Variants in GRM1 observed in about 807,000 individuals in gnomAD.
GRM1 encodes glutamate metabotropic receptor 1.
GRM1 carries 33 observed loss-of-function variants against 90.9 expected under a neutral mutation model. The observed-to-expected ratio is 0.36, with a 90% CI of 0.28 to 0.49. The LOEUF (loss-of-function observed/expected upper bound fraction) is 0.49, where lower values mean the gene tolerates loss of function less well. Ranked by LOEUF, GRM1 falls within the 20% of genes least tolerant of loss-of-function variation. The probability of loss-of-function intolerance (pLI) is 0.99; values close to 1 mark genes in which losing one functional copy is unlikely to be tolerated. For missense variants in GRM1, 1,190 were observed against 1,534.3 expected, an observed-to-expected ratio of 0.78 and a Z score of 3.75; for synonymous variants, 700 against 613.2, an observed-to-expected ratio of 1.14 and a Z score of -2.09.
intron 5 of GRM1, among the ~76,000 whole-genome samples, chr6:146,361,640 G>A (rs1489771780): frequency 6.6e-6 from 1 of 152,122 alleles, no homozygotes; most frequent in Non-Finnish European, 1.5e-5. Context: ...CTCCTTAAAA[G>A]GACCCTTTTA....
chr6:146,432,979 A>T (rs1778467689), intron 7 of GRM1, among the ~76,000 whole-genome samples: 1 of 152,206 alleles, frequency 6.6e-6, no homozygotes. Flanking sequence ...AGGCTCAATG[A>T]GTAGAGGTTT....
intron 1 of GRM1, among the ~76,000 whole-genome samples, chr6:146,031,391 T>A (rs1562415483): frequency 6.6e-6 from 1 of 152,194 alleles, no homozygotes; most frequent in African/African-American, 2.4e-5. Flanking sequence ...CATGTTTTTT[T>A]AATATTTCCA....
chr6:146,340,541 T>A (rs575735157), intron 3 of GRM1: 2 of 149,100 alleles, frequency 1.3e-5, no homozygotes, highest in Non-Finnish European at 3.0e-5. Context: ...CCATATTTCT[T>A]TTTTTTGTTT....
Position 146,434,974 on chromosome 6 carries a change from C to T in GRM1, c.*178C>T. ...CCTTAAGTAGGAAGAGAGGGAAGGA[C>T]ACCAAGCAAAAAATGTTCCAGGCCA... On this transcript the variant is annotated 3_prime_UTR_variant, in exon 8 of 8. Coordinates refer to ENST00000282753, the MANE Select transcript of GRM1 (RefSeq NM_001278064.2). 3.2e-6 allele frequency: 2 copies of T among 634,048 alleles called. No homozygotes were observed. The highest frequency in any genetic ancestry group is 5.6e-6 in the Non-Finnish European group (2 of 360,214). The allele number at this position is 634,048 out of a possible 1,614,324, so 39.3% of individuals were successfully genotyped here.
chr6:146,312,508 G>T (rs1401648334), intron 3 of GRM1, among the ~76,000 whole-genome samples: 1 of 151,940 alleles, frequency 6.6e-6, no homozygotes, highest in Non-Finnish European at 1.5e-5. Context: ...TCTTCATACA[G>T]ATCTGGTTTT....
At chr6:146,144,793 A>G (rs116057504) in intron 1 of GRM1, among the ~76,000 whole-genome samples, 2,472 of 152,302 alleles carry the variant, frequency 0.016, 69 homozygotes, top group African/African-American at 0.055. Flanking sequence ...GAGGGCTTAG[A>G]AGACAAGAAG....
chr6:146,090,971 T>C (rs1776696993), intron 1 of GRM1, among the ~76,000 whole-genome samples: 1 of 151,950 alleles, frequency 6.6e-6, no homozygotes, highest in South Asian at 2.1e-4. Flanking sequence ...AAACAGATGA[T>C]GGGGAAAATA....
At chr6:146,289,253 G>A (rs1211353220) in intron 2 of GRM1, among the ~76,000 whole-genome samples, 1 of 152,138 alleles carries the variant, frequency 6.6e-6, no homozygotes, top group East Asian at 1.9e-4. Context: ...AAAATTGGAG[G>A]TGTAAGATGG....
At chr6:146,308,907 C>T (rs1357424659) in intron 3 of GRM1, among the ~76,000 whole-genome samples, 2 of 152,060 alleles carry the variant, frequency 1.3e-5, no homozygotes, top group Non-Finnish European at 2.9e-5. Context: ...GGCTGCTTAA[C>T]ATTTTGCATT....
At chr6:146,346,155 A>G (rs1214569753) in intron 3 of GRM1, among the ~76,000 whole-genome samples, 1 of 152,202 alleles carries the variant, frequency 6.6e-6, no homozygotes, top group African/African-American at 2.4e-5. Context: ...GCTAAATGCA[A>G]TTGTATTTTC....
intron 1 of GRM1, among the ~76,000 whole-genome samples, chr6:146,037,900 C>T (rs1169505745): frequency 3.3e-5 from 5 of 151,992 alleles, no homozygotes. Flanking sequence ...CTGCTCTCCA[C>T]ATTTCTCTGG....
chr6:146,134,342 G>A (rs914475476), intron 1 of GRM1, among the ~76,000 whole-genome samples: 1 of 152,162 alleles, frequency 6.6e-6, no homozygotes, highest in African/African-American at 2.4e-5. Flanking sequence ...AACACATAGA[G>A]CTCATTAAAT....
At chr6:146,086,003 A>G (rs544174168) in intron 1 of GRM1, among the ~76,000 whole-genome samples, 2 of 152,288 alleles carry the variant, frequency 1.3e-5, no homozygotes, top group East Asian at 1.9e-4. Context: ...ATATAGAAAT[A>G]TAAGTTGTGC....
chr6:146,433,911 AG>A lies in GRM1; in HGVS notation c.2702del (p.Gly901AspfsTer17). Reference protein sequence around the residue: ...KSVSWSEPGGGQVPKGQHMWH... With the variant: ...KSVSWSEPGGXQVPKGQHMWH... The stretch of plus-strand genomic sequence containing the variant: ...CTGTGTCATGGTCTGAACCAGGTGG[AG>A]GACAGGTGCCCAAGGGACAGCATAT... On this transcript the variant is annotated frameshift_variant, in exon 8 of 8. Transcript: ENST00000282753. LOFTEE classifies it high-confidence loss of function. 6.2e-7 allele frequency: 1 copy of A among 1,613,886 alleles called. No individual in the cohort carries two copies. The highest frequency in any genetic ancestry group is 8.5e-7 in the Non-Finnish European group (1 of 1,179,772).
At chr6:146,224,163 A>G (rs1272490920) in intron 2 of GRM1, among the ~76,000 whole-genome samples, 1 of 152,156 alleles carries the variant, frequency 6.6e-6, no homozygotes, top group Non-Finnish European at 1.5e-5. Flanking sequence ...ATATTGAATC[A>G]TCTAATTACT....
intron 2 of GRM1, among the ~76,000 whole-genome samples, chr6:146,258,730 C>T (rs910806314): frequency 6.6e-6 from 1 of 151,982 alleles, no homozygotes; most frequent in Non-Finnish European, 1.5e-5. Context: ...GCTCAGGGGC[C>T]CCATGTGTTA....
chr6:146,200,909 C>T (rs982335530), intron 2 of GRM1, among the ~76,000 whole-genome samples: 4 of 152,168 alleles, frequency 2.6e-5, no homozygotes, highest in African/African-American at 9.7e-5. Context: ...CCATTAGAAG[C>T]ATCCTGTGTC....
At chr6:146,067,035 C>G (rs1467503705) in intron 1 of GRM1, among the ~76,000 whole-genome samples, 1 of 152,130 alleles carries the variant, frequency 6.6e-6, no homozygotes, top group Non-Finnish European at 1.5e-5. Flanking sequence ...ATAATCCATG[C>G]TTACTAGAGA....
At chr6:146,349,064 AT>A in intron 3 of GRM1, among the ~76,000 whole-genome samples, 1 of 147,432 alleles carries the variant, frequency 6.8e-6, no homozygotes, top group Admixed American at 6.8e-5. Context: ...TATTATTATT[AT>A]TATTATTATT....
Sources: allele counts gnomAD v4.1 joint callset (sites outside exome capture counted in the v4.1 genomes callset), GRCh38; gene constraint gnomAD v4.1.1; transcripts MANE v1.5; gene names NCBI Gene and HGNC (gene_info 2026-07-23, HGNC 2026-07-21).